The following APBB1IP variants were observed in gnomAD, a reference collection of about 807,000 sequenced individuals.
The protein encoded by APBB1IP is amyloid beta A4 precursor protein-binding family B member 1-interacting protein.
A neutral mutation model predicts 64.9 loss-of-function variants in APBB1IP; 27 were observed. The ratio of observed to expected loss-of-function variants is 0.42; its 90% CI spans 0.31 to 0.57. The LOEUF (loss-of-function observed/expected upper bound fraction) is 0.57. Among genes scored for constraint, APBB1IP ranks in the 20% least tolerant of loss-of-function variants. The pLI, the probability that APBB1IP is intolerant of heterozygous loss-of-function variation, is 0.20. For missense variants in APBB1IP, 812 were observed against 845.5 expected (o/e 0.96, Z 0.49); for synonymous variants, 392 against 331.0 (o/e 1.18, Z -2.00).
chr10:26,503,136 A>C, intron 5 of APBB1IP, 61 bp from the exon 6 acceptor site: 1 of 1,512,120 alleles, frequency 6.6e-7, no homozygotes, highest in Non-Finnish European at 9.1e-7. Flanking sequence ...CAATGACAGA[A>C]GTGATTACTC....
chr10:26,501,313 G>A, intron 5 of APBB1IP: 3 of 624,128 alleles, frequency 4.8e-6, no homozygotes, highest in Non-Finnish European at 2.7e-6. Context: ...ATGTATTAGG[G>A]CCATATTCAG....
chr10:26,553,856 A>C (rs1328630645), intron 11 of APBB1IP, among the ~76,000 whole-genome samples: 4 of 152,068 alleles, frequency 2.6e-5, no homozygotes, highest in African/African-American at 9.7e-5. Flanking sequence ...TGCATTGATG[A>C]CAGCATCCTC....
intron 2 of APBB1IP, among the ~76,000 whole-genome samples, chr10:26,457,333 G>T (rs796821397): frequency 6.6e-6 from 1 of 152,100 alleles, no homozygotes; most frequent in African/African-American, 2.4e-5. Context: ...AAGAGACAGG[G>T]TCTAACTCTG....
At chr10:26,493,391 G>A (rs1366093180) in intron 3 of APBB1IP, among the ~76,000 whole-genome samples, 5 of 152,190 alleles carry the variant, frequency 3.3e-5, no homozygotes, top group African/African-American at 1.2e-4. Context: ...ATTGATTGGG[G>A]AAATGATAAA....
At chr10:26,448,165 T>C (rs948351124) in intron 2 of APBB1IP, among the ~76,000 whole-genome samples, 8 of 151,708 alleles carry the variant, frequency 5.3e-5, no homozygotes, top group African/African-American at 1.9e-4. Context: ...AATTTTGATA[T>C]AATTGAAATT....
chr10:26,444,996 G>T (rs1324700900), intron 2 of APBB1IP, among the ~76,000 whole-genome samples: 1 of 151,940 alleles, frequency 6.6e-6, no homozygotes, highest in African/African-American at 2.4e-5. Context: ...TATTCGGGAG[G>T]CTGAGGCAGG....
chr10:26,449,342 A>C (rs564331288), intron 2 of APBB1IP, among the ~76,000 whole-genome samples: 1 of 152,242 alleles, frequency 6.6e-6, no homozygotes, highest in South Asian at 2.1e-4. Flanking sequence ...AGAGAGAATA[A>C]ATGACTGACA....
At chr10:26,475,124 C>CTT (rs757288624) in intron 2 of APBB1IP, among the ~76,000 whole-genome samples, 22 of 138,160 alleles carry the variant, frequency 1.6e-4, no homozygotes, top group Admixed American at 7.3e-4. Flanking sequence ...TTTTTCTTTT[C>CTT]TTTTTTTTTT....
intron 2 of APBB1IP, among the ~76,000 whole-genome samples, chr10:26,469,775 A>G (rs957543882): frequency 4.0e-5 from 6 of 150,698 alleles, no homozygotes; most frequent in Non-Finnish European, 8.9e-5. Flanking sequence ...CTCCTTCCCC[A>G]CTCTAGTGGT....
intron 6 of APBB1IP, among the ~76,000 whole-genome samples, chr10:26,505,464 C>T (rs1836163096): frequency 6.6e-6 from 1 of 152,172 alleles, no homozygotes; most frequent in African/African-American, 2.4e-5. Flanking sequence ...CCTGCTCAGT[C>T]CTGGGTGCCC....
chr10:26,467,087 A>G (rs899226871), intron 2 of APBB1IP, among the ~76,000 whole-genome samples: 13 of 151,916 alleles, frequency 8.6e-5, no homozygotes, highest in African/African-American at 2.7e-4. Flanking sequence ...TTTTTTTAAT[A>G]TAGAGATGGG....
At chr10:26,513,807 A>C in intron 8 of APBB1IP, 147 bp downstream of exon 8, 2 of 983,234 alleles carry the variant, frequency 2.0e-6, no homozygotes, top group Non-Finnish European at 1.4e-6. Context: ...ATCTTGGCTC[A>C]CTACAACCTC....
intron 14 of APBB1IP, among the ~76,000 whole-genome samples, chr10:26,563,564 A>G (rs1345375636): frequency 6.6e-6 from 1 of 152,198 alleles, no homozygotes; most frequent in Non-Finnish European, 1.5e-5. Flanking sequence ...ATAACTAATA[A>G]TTATTATTTA....
chr10:26,537,940 A>G (rs945675922), intron 10 of APBB1IP, among the ~76,000 whole-genome samples: 1 of 151,952 alleles, frequency 6.6e-6, no homozygotes, highest in Non-Finnish European at 1.5e-5. Flanking sequence ...TCTCAAAAAA[A>G]AAAAAAAAAA....
chr10:26,519,610 G>A (rs1836378430), intron 8 of APBB1IP, among the ~76,000 whole-genome samples: 1 of 152,136 alleles, frequency 6.6e-6, no homozygotes, highest in South Asian at 2.1e-4. Context: ...ATGAAATTTG[G>A]GCCAGGCCAT....
chr10:26,490,307 T>A (rs987030936), intron 2 of APBB1IP, among the ~76,000 whole-genome samples: 1 of 152,088 alleles, frequency 6.6e-6, no homozygotes, highest in East Asian at 1.9e-4. Flanking sequence ...GAAGAGATAA[T>A]AGTATTATGT....
At chr10:26,507,385 G>A (rs1003997538) in intron 6 of APBB1IP, among the ~76,000 whole-genome samples, 1 of 152,138 alleles carries the variant, frequency 6.6e-6, no homozygotes, top group Non-Finnish European at 1.5e-5. Flanking sequence ...TGTAGTCCCA[G>A]CTACAGGTGG....
At chr10:26,453,384 C>G (rs1835486164) in intron 2 of APBB1IP, among the ~76,000 whole-genome samples, 1 of 152,118 alleles carries the variant, frequency 6.6e-6, no homozygotes, top group African/African-American at 2.4e-5. Context: ...TGAGCCCATC[C>G]TATGAGATAT....
At chr10:26,558,864 T>C (rs1198787765) in intron 11 of APBB1IP, among the ~76,000 whole-genome samples, 1 of 152,202 alleles carries the variant, frequency 6.6e-6, no homozygotes, top group Non-Finnish European at 1.5e-5. Context: ...CCTGCCCATT[T>C]CCTTCTTCTC....
Sources: gnomAD v4.1 joint callset for allele counts (sites outside exome capture counted in the v4.1 genomes callset) on GRCh38, gnomAD v4.1.1 for gene constraint, MANE v1.5 for transcripts, NCBI Gene and HGNC (gene_info 2026-07-23, HGNC 2026-07-21) for gene names.